The following TIAM1 variants were observed in gnomAD, a reference collection of about 807,000 sequenced individuals.
The protein encoded by TIAM1 is rho guanine nucleotide exchange factor TIAM1.
TIAM1 carries 65 observed loss-of-function variants against 163.5 expected under a neutral mutation model. The ratio of observed to expected loss-of-function variants is 0.40; its 90% CI spans 0.33 to 0.49. The LOEUF is 0.49. Among genes scored for constraint, TIAM1 ranks in the 20% least tolerant of loss-of-function variants. TIAM1 has a pLI of 0.77. For synonymous variants in TIAM1, 833 were observed against 810.1 expected (o/e 1.03, Z -0.48); for missense variants, 1,789 against 2,044.7 (o/e 0.87, Z 2.41).
chr21:31,454,044 G>A (rs560039158), intron 2 of TIAM1, among the ~76,000 whole-genome samples: 2 of 152,280 alleles, frequency 1.3e-5, no homozygotes, highest in East Asian at 3.9e-4. Flanking sequence ...CCTGACCAAT[G>A]TATTTTTAAT....
intron 2 of TIAM1, among the ~76,000 whole-genome samples, chr21:31,413,259 C>CT (rs2043263648): frequency 2.3e-5 from 3 of 128,764 alleles, no homozygotes; most frequent in East Asian, 2.3e-4. Flanking sequence ...CTTTTCTTTT[C>CT]TTTTCTTTTT....
At chr21:31,122,525 G>A (rs952591118) in intron 27 of TIAM1, among the ~76,000 whole-genome samples, 4 of 152,160 alleles carry the variant, frequency 2.6e-5, no homozygotes, top group Non-Finnish European at 5.9e-5. Flanking sequence ...GATTCTAACA[G>A]ATGAGTGATA....
At chr21:31,429,063 G>A (rs751033550) in intron 2 of TIAM1, among the ~76,000 whole-genome samples, 6 of 150,468 alleles carry the variant, frequency 4.0e-5, no homozygotes, top group Admixed American at 6.7e-5. Flanking sequence ...GCAGTGGTGC[G>A]ATCATGCCTC....
At chr21:31,461,056 C>A (rs990250072) in intron 2 of TIAM1, among the ~76,000 whole-genome samples, 1 of 152,142 alleles carries the variant, frequency 6.6e-6, no homozygotes. Context: ...AAGCCCTTAG[C>A]ATGAAATAGT....
chr21:31,146,543 T>C (rs2083125073), intron 20 of TIAM1, among the ~76,000 whole-genome samples: 1 of 149,588 alleles, frequency 6.7e-6, no homozygotes, highest in Non-Finnish European at 1.5e-5. Flanking sequence ...AAACTCCATC[T>C]CTGCTAAAAA....
intron 2 of TIAM1, among the ~76,000 whole-genome samples, chr21:31,316,100 G>A (rs1247448976): frequency 1.3e-5 from 2 of 152,008 alleles, no homozygotes; most frequent in African/African-American, 2.4e-5. Flanking sequence ...GCCTACCAAG[G>A]GTGATCCACT....
intron 2 of TIAM1, among the ~76,000 whole-genome samples, chr21:31,431,419 A>G (rs2044023439): frequency 6.6e-6 from 1 of 152,174 alleles, no homozygotes. Flanking sequence ...AAGTTCCCAG[A>G]TGATGCTGAT....
At chr21:31,170,587 T>C (rs2084453763) in intron 15 of TIAM1, among the ~76,000 whole-genome samples, 1 of 152,044 alleles carries the variant, frequency 6.6e-6, no homozygotes, top group African/African-American at 2.4e-5. Flanking sequence ...TATTATAAAA[T>C]TACAGTAATC....
At chr21:31,432,390 C>T (rs115623192) in intron 2 of TIAM1, among the ~76,000 whole-genome samples, 4 of 152,294 alleles carry the variant, frequency 2.6e-5, no homozygotes, top group East Asian at 1.9e-4. Context: ...TGAGCCACCA[C>T]GCCCTGCCCT....
chr21:31,126,229 T>C (rs2082191825), intron 26 of TIAM1, among the ~76,000 whole-genome samples: 1 of 152,200 alleles, frequency 6.6e-6, no homozygotes, highest in Admixed American at 6.5e-5. Flanking sequence ...GTACTCACTG[T>C]GTGAGGTACT....
chr21:31,291,262 G>A (rs995368699), intron 2 of TIAM1, among the ~76,000 whole-genome samples: 2 of 152,054 alleles, frequency 1.3e-5, no homozygotes, highest in African/African-American at 4.8e-5. Context: ...ACAACAACAG[G>A]CAATGAAAAA....
At chr21:31,456,984 CTTCT>C (rs1308418859) in intron 2 of TIAM1, among the ~76,000 whole-genome samples, 1 of 152,140 alleles carries the variant, frequency 6.6e-6, no homozygotes, top group East Asian at 1.9e-4. Context: ...CCACAGATTC[CTTCT>C]ATTTCTTTTC....
At chr21:31,372,992 T>C (rs1602120831) in intron 2 of TIAM1, among the ~76,000 whole-genome samples, 2 of 147,418 alleles carry the variant, frequency 1.4e-5, no homozygotes, top group Admixed American at 6.7e-5. Context: ...GAGGCAGAGG[T>C]TTCGGTGAGC....
intron 1 of TIAM1, among the ~76,000 whole-genome samples, chr21:31,524,428 C>T (rs1000653925): frequency 1.3e-5 from 2 of 152,170 alleles, no homozygotes; most frequent in Non-Finnish European, 2.9e-5. Context: ...AAACACCTCC[C>T]ACCAGGCCCC....
intron 1 of TIAM1, among the ~76,000 whole-genome samples, chr21:31,491,886 A>C (rs747546260): frequency 1.2e-4 from 18 of 152,242 alleles, no homozygotes; most frequent in Non-Finnish European, 2.5e-4. Context: ...TAAAGATAAG[A>C]ATTTCACGTA....
chr21:31,149,662 G>A (rs926687752), intron 19 of TIAM1, among the ~76,000 whole-genome samples: 5 of 152,246 alleles, frequency 3.3e-5, no homozygotes, highest in East Asian at 1.9e-4. Flanking sequence ...AGGTTAAAAC[G>A]TAGTATTTTA....
chr21:31,497,128 G>A (rs548792683), intron 1 of TIAM1, among the ~76,000 whole-genome samples: 4 of 152,278 alleles, frequency 2.6e-5, no homozygotes, highest in African/African-American at 9.6e-5. Context: ...CAGGGGTTGG[G>A]GATCCCCTAG....
At chr21:31,224,391 C>T (rs1340047672) in intron 7 of TIAM1, among the ~76,000 whole-genome samples, 1 of 152,168 alleles carries the variant, frequency 6.6e-6, no homozygotes, top group Non-Finnish European at 1.5e-5. Flanking sequence ...ATGGTGTATA[C>T]GTACAACCAG....
intron 9 of TIAM1, 142 bp downstream of exon 9, chr21:31,217,411 G>T: frequency 1.7e-6 from 2 of 1,145,584 alleles, no homozygotes; most frequent in South Asian, 1.6e-5. Flanking sequence ...TATTAAAAGT[G>T]TCTAGCACAG....
Sources: allele counts gnomAD v4.1 joint callset (sites outside exome capture counted in the v4.1 genomes callset), GRCh38; gene constraint gnomAD v4.1.1; transcripts MANE v1.5; gene names NCBI Gene and HGNC (gene_info 2026-07-23, HGNC 2026-07-21).